Variants in SMC4 observed in about 807,000 individuals in gnomAD.
The protein encoded by SMC4 is structural maintenance of chromosomes 4, also known as structural maintenance of chromosomes protein 4.
Under a neutral mutation model 145.6 loss-of-function variants are expected in SMC4, and 87 were observed. The ratio of observed to expected loss-of-function variants is 0.60; its 90% confidence interval spans 0.50 to 0.71. The LOEUF (loss-of-function observed/expected upper bound fraction) is 0.71, where lower values mean the gene tolerates loss of function less well. Ranked by LOEUF, SMC4 falls within the 30% of genes least tolerant of loss-of-function variation. The probability of loss-of-function intolerance (pLI) is 0.00; values close to 1 mark genes in which losing one functional copy is unlikely to be tolerated. For synonymous variants in SMC4, 558 were observed against 500.7 expected, an observed-to-expected ratio of 1.11 and a Z score of -1.53; for missense variants, 1,447 against 1,537.1, an observed-to-expected ratio of 0.94 and a Z score of 0.98.
At chr3:160,413,798 A>C (rs1486450426) in intron 8 of SMC4, 185 bp downstream of exon 8, 2 of 403,128 alleles carry the variant, frequency 5.0e-6, no homozygotes, top group Non-Finnish European at 8.9e-6. Flanking sequence ...GAAATTCCCT[A>C]CTCTGAAGTC....
intron 17 of SMC4, among the ~76,000 whole-genome samples, chr3:160,427,303 A>AG (rs1182670630): frequency 6.6e-6 from 1 of 152,218 alleles, no homozygotes; most frequent in African/African-American, 2.4e-5. Context: ...TGTATGTTTG[A>AG]GAAAAAAGCA....
rs888624398 is a variant in SMC4 at position 160,414,260 on chromosome 3, A to C, written c.1122-107A>C. 10 of 924,388 alleles carry C rather than the reference A, an allele frequency of 1.1e-5. No homozygotes were observed. In the African/African-American group the frequency reaches 1.1e-4, roughly 11 times the overall value. The allele number at this position is 924,388 out of a possible 1,614,324, so 57.3% of individuals were successfully genotyped here. A position where few individuals can be genotyped will look rare whatever the true frequency, so the allele number is the denominator to read the frequency against. ...AAGGAGAGTTTTAGGATCCTGCCTT[A>C]TTAAGAGCCTGGACATATTTATAGA... On this transcript the variant is annotated intron_variant, in intron 8 of 23. Coordinates refer to ENST00000357388, the MANE Select transcript of SMC4 (RefSeq NM_001002800.3).
intron 4 of SMC4, 112 bp downstream of exon 4, chr3:160,402,979 A>G (rs1211669428): frequency 1.4e-6 from 1 of 714,926 alleles, no homozygotes; most frequent in Non-Finnish European, 2.2e-6. Flanking sequence ...AGCGGAAAGC[A>G]TTGGTTTCAT....
intron 21 of SMC4, among the ~76,000 whole-genome samples, 172 bp downstream of exon 21, chr3:160,431,997 T>A (rs1428344189): frequency 6.6e-6 from 1 of 152,196 alleles, no homozygotes; most frequent in East Asian, 1.9e-4. Context: ...GGTCAGGAGT[T>A]CGAGACCAGC....
Position 160,417,948 on chromosome 3 carries a change from T to C in SMC4, c.1663T>C (p.Leu555=), listed in dbSNP as rs1299401184. The change falls in exon 11 of 24, where the codon TTA becomes CTA. Residue 555 remains leucine (L), a synonymous_variant. Coordinates refer to ENST00000357388, the MANE Select transcript of SMC4 (RefSeq NM_001002800.3). ...EGKLPQTEQE[L]KEKEKELQKL... ...AAAACTCCCTCAAACTGAACAAGAA[T>C]TAAAGGAGGTAAATCTTTGCTTCTC... The C allele has an allele frequency of 2.5e-6, 4 of 1,609,018 alleles. No individual in the cohort carries two copies. Among genetic ancestry groups the C allele is most frequent in the South Asian group, 2.2e-5 (2 of 90,630 alleles).
intron 9 of SMC4, 49 bp downstream of exon 9, chr3:160,414,566 C>G: frequency 6.5e-7 from 1 of 1,529,016 alleles, no homozygotes; most frequent in South Asian, 1.2e-5. Context: ...AATATCATAC[C>G]TAGTTTTCAT....
In SMC4 at chr3:160,423,763, A is replaced by G. The variant is rs1340072312; in HGVS notation, c.2248A>G (p.Thr750Ala). 1 of 1,613,596 alleles carries G rather than the reference A, an allele frequency of 6.2e-7. No individual in the cohort carries two copies. ...GACTTCTCTCCCCTGTTTTCCAGGT[A>G]CAATGACTGGTGGTGGAAGCAAAGT... Reference protein sequence around the residue: ...LQGQIIEQSGTMTGGGSKVMK... With the variant: ...LQGQIIEQSGAMTGGGSKVMK... Residue 750 changes from threonine to alanine, a missense_variant and splice_region_variant, in exon 15 of 24, where the codon ACA (threonine) becomes GCA (alanine). By Grantham distance (58) the Thr-to-Ala change is moderately conservative. Transcript: ENST00000357388.
Position 160,400,928 on chromosome 3 carries a change from G to A in SMC4, c.102G>A (p.Pro34=). The change falls in exon 2 of 24, where the codon CCG becomes CCA. Residue 34 remains proline (P), a synonymous_variant. Coordinates refer to ENST00000357388, the MANE Select transcript of SMC4 (RefSeq NM_001002800.3). ...DGASSDAEPE[P]PSGRTESPAT... ...CCAGCAGCGACGCGGAGCCTGAGCC[G>A]CCGTCCGGCCGCACGGAGAGCCCAG... 1 of 1,470,190 alleles carries A rather than the reference G, an allele frequency of 6.8e-7. No individual in the cohort carries two copies. Among genetic ancestry groups the A allele is most frequent in the East Asian group, 2.9e-5 (1 of 34,464 alleles). 91.1% of individuals were successfully genotyped at this position (1,470,190 alleles called of 1,614,324 possible). A position where few individuals can be genotyped will look rare whatever the true frequency, so the allele number is the denominator to read the frequency against.
At chr3:160,406,687 AAAG>A (rs1267095768) in intron 5 of SMC4, among the ~76,000 whole-genome samples, 1 of 152,176 alleles carries the variant, frequency 6.6e-6, no homozygotes, top group Non-Finnish European at 1.5e-5. Flanking sequence ...TTGAGATTAA[AAAG>A]AACCAAATTT....
At chr3:160,420,290 T>C (rs997174671) in intron 12 of SMC4, among the ~76,000 whole-genome samples, 2 of 152,230 alleles carry the variant, frequency 1.3e-5, no homozygotes, top group Admixed American at 1.3e-4. Flanking sequence ...TGCTTCTGCA[T>C]CTTGTATCGG....
At chr3:160,414,210 A>G (rs769581388) in intron 8 of SMC4, 157 bp from the exon 9 acceptor site, 13 of 678,408 alleles carry the variant, frequency 1.9e-5, no homozygotes, top group Non-Finnish European at 2.7e-5. Flanking sequence ...TTCTTCAACT[A>G]TGGGGAGAGG....
At chr3:160,402,929 A>G (rs1714867277) in intron 4 of SMC4, 62 bp downstream of exon 4, 3 of 1,236,420 alleles carry the variant, frequency 2.4e-6, no homozygotes, top group Non-Finnish European at 3.3e-6. Flanking sequence ...AATGCATTAC[A>G]TATTTTATTT....
At chr3:160,407,385 T>G (rs1715448918) in intron 5 of SMC4, among the ~76,000 whole-genome samples, 1 of 152,154 alleles carries the variant, frequency 6.6e-6, no homozygotes, top group Admixed American at 6.5e-5. Flanking sequence ...AAACTATGTC[T>G]CTATAGAAAA....
Position 160,432,490 on chromosome 3 carries a change from C to A in SMC4, c.3505C>A (p.Pro1169Thr). The change falls in exon 22 of 24, where the codon CCT becomes ACT. Residue 1169 changes from proline (P) to threonine (T), a missense_variant. Transcript: ENST00000357388. Reference protein sequence around the residue: ...AELELVDSLDPFSEGIMFSVR... With the variant: ...AELELVDSLDTFSEGIMFSVR... ...ACTCGAGCTTGTAGACAGCTTGGAT[C>A]CTTTCTCTGAAGGAATCATGTTCAG... is the stretch of plus-strand genomic sequence containing the variant. The A allele has an allele frequency of 6.2e-7, 1 of 1,605,620 alleles. No individual in the cohort carries two copies. The highest frequency in any genetic ancestry group is 1.1e-5 in the South Asian group (1 of 89,750).
intron 13 of SMC4, among the ~76,000 whole-genome samples, chr3:160,422,712 C>G (rs1384451149): frequency 6.6e-6 from 1 of 152,094 alleles, no homozygotes; most frequent in Non-Finnish European, 1.5e-5. Context: ...GTATCATACC[C>G]AAGAAACCAC....
Position 160,431,624 on chromosome 3 carries a change from C to A in SMC4, c.3115-19C>A. On this transcript the variant is annotated intron_variant, in intron 20 of 23. Transcript: ENST00000357388. ...TAATATTATGCCTTCTCTAACTCTC[C>A]CCTAAATTGAACTTTTAGATTTCAA... The A allele has an allele frequency of 1.3e-6, 2 of 1,546,610 alleles. No homozygotes were observed. The highest frequency in any genetic ancestry group is 8.7e-7 in the Non-Finnish European group (1 of 1,146,778).
At position 160,400,974 on chromosome 3, in the gene SMC4, C is replaced by G. The variant is rs1714549365; in HGVS notation, c.139+9C>G. Reference sequence around the variant, plus strand: ...CCCAGCCACCGCCGCAGGTGAGTGACCCGCCGCGACTCGGCGGGAACGCGC... The same window carrying G: ...CCCAGCCACCGCCGCAGGTGAGTGAGCCGCCGCGACTCGGCGGGAACGCGC... On this transcript the variant is annotated intron_variant, in intron 2 of 23. Transcript: ENST00000357388. 1 of 1,388,812 alleles carries G rather than the reference C, an allele frequency of 7.2e-7. No homozygotes were observed. The highest frequency in any genetic ancestry group is 3.0e-5 in the East Asian group (1 of 33,136). The allele number at this position is 1,388,812 out of a possible 1,614,324, so 86.0% of individuals were successfully genotyped here. A position where few individuals can be genotyped will look rare whatever the true frequency, so the allele number is the denominator to read the frequency against.
intron 20 of SMC4, among the ~76,000 whole-genome samples, 183 bp downstream of exon 20, chr3:160,431,388 GA>G (rs1718388608): frequency 1.3e-5 from 2 of 152,100 alleles, no homozygotes; most frequent in African/African-American, 4.8e-5. Flanking sequence ...GTTATATACA[GA>G]AAAGTCTGAG....
At chr3:160,415,380 A>G (rs1716474499) in intron 9 of SMC4, among the ~76,000 whole-genome samples, 1 of 152,198 alleles carries the variant, frequency 6.6e-6, no homozygotes, top group South Asian at 2.1e-4. Flanking sequence ...GAGATAGGAA[A>G]GCTCATAATT....
Sources: gnomAD v4.1 joint callset for allele counts (sites outside exome capture counted in the v4.1 genomes callset) on GRCh38, gnomAD v4.1.1 for gene constraint, MANE v1.5 for transcripts, NCBI Gene and HGNC (gene_info 2026-07-23, HGNC 2026-07-21) for gene names.